The following DAB1 variants were observed in gnomAD, a reference collection of about 807,000 sequenced individuals.
DAB1 encodes disabled homolog 1.
In DAB1, 15 loss-of-function variants were observed where a neutral mutation model predicts 64.6. The observed-to-expected ratio is 0.23, with a 90% CI of 0.16 to 0.36. The LOEUF (loss-of-function observed/expected upper bound fraction) is 0.36, where lower values mean the gene tolerates loss of function less well. DAB1 is among the 10% of genes least tolerant of loss of function. The pLI, the probability that DAB1 is intolerant of heterozygous loss-of-function variation, is 1.00. For synonymous variants in DAB1, 235 were observed against 251.9 expected (o/e 0.93, Z 0.64); for missense variants, 596 against 706.7 (o/e 0.84, Z 1.78).
At chr1:58,051,695 C>T (rs1647682209) in intron 5 of DAB1, among the ~76,000 whole-genome samples, 1 of 152,146 alleles carries the variant, frequency 6.6e-6, no homozygotes, top group African/African-American at 2.4e-5. Flanking sequence ...TTCTCCACAA[C>T]CTCTCCAGCA....
At chr1:57,686,868 C>A (rs906348318) in intron 6 of DAB1, among the ~76,000 whole-genome samples, 3 of 152,108 alleles carry the variant, frequency 2.0e-5, no homozygotes, top group African/African-American at 4.8e-5. Flanking sequence ...TAAAAGCCTT[C>A]AACAGATGAG....
At chr1:57,886,561 T>G (rs1420267938), upstream of DAB1, among the ~76,000 whole-genome samples, 1 of 152,116 alleles carries the variant, frequency 6.6e-6, no homozygotes, top group Non-Finnish European at 1.5e-5. Flanking sequence ...TCATATCTCA[T>G]TTAACATTTC....
intron 6 of DAB1, among the ~76,000 whole-genome samples, chr1:57,735,609 G>GCTT (rs1647648357): frequency 1.1e-5 from 1 of 95,198 alleles, no homozygotes; most frequent in African/African-American, 4.2e-5. Flanking sequence ...CTGTTTGCTT[G>GCTT]TTTTTTTTTT....
chr1:57,032,272 A>G (rs1289443388), intron 9 of DAB1, among the ~76,000 whole-genome samples: 1 of 152,094 alleles, frequency 6.6e-6, no homozygotes, highest in East Asian at 1.9e-4. Flanking sequence ...GGGAGTTCCT[A>G]CCTTGCATCA....
intron 11 of DAB1, among the ~76,000 whole-genome samples, chr1:57,020,073 A>C (rs1202106784): frequency 6.6e-6 from 1 of 152,188 alleles, no homozygotes; most frequent in Admixed American, 6.5e-5. Flanking sequence ...TCACTGCTTT[A>C]GTGTGTGGAG....
intron 4 of DAB1, among the ~76,000 whole-genome samples, chr1:58,172,314 G>A (rs1656219082): frequency 6.6e-6 from 1 of 152,234 alleles, no homozygotes. Flanking sequence ...GGAAATTGAT[G>A]TAGTAGCAAA....
intron 7 of DAB1, among the ~76,000 whole-genome samples, chr1:57,589,493 A>G (rs1168207776): frequency 1.3e-5 from 2 of 152,206 alleles, no homozygotes; most frequent in East Asian, 3.8e-4. Flanking sequence ...ACAGTGGCTC[A>G]CCCCTGTAAT....
At chr1:58,333,006 T>C (rs913017371) in intron 4 of DAB1, among the ~76,000 whole-genome samples, 3 of 152,056 alleles carry the variant, frequency 2.0e-5, no homozygotes, top group African/African-American at 7.2e-5. Context: ...TGCTCCCGGG[T>C]TCAAGCGATT....
intron 7 of DAB1, among the ~76,000 whole-genome samples, chr1:57,593,355 A>G (rs1337486750): frequency 6.6e-6 from 1 of 152,204 alleles, no homozygotes; most frequent in Non-Finnish European, 1.5e-5. Context: ...TTCACAGCTG[A>G]ATAATATTCT....
At chr1:57,256,307 C>T (rs1464812346) in intron 2 of DAB1, among the ~76,000 whole-genome samples, 1 of 152,124 alleles carries the variant, frequency 6.6e-6, no homozygotes, top group Non-Finnish European at 1.5e-5. Context: ...AGAATAGAGA[C>T]AGGATCTGGA....
intron 5 of DAB1, among the ~76,000 whole-genome samples, chr1:58,013,661 C>T (rs1646700515): frequency 6.6e-6 from 1 of 152,158 alleles, no homozygotes; most frequent in Non-Finnish European, 1.5e-5. Context: ...CTGCTCCTAC[C>T]TTGGTCCCAT....
At chr1:58,065,831 T>C (rs988033408) in intron 5 of DAB1, among the ~76,000 whole-genome samples, 64 of 152,294 alleles carry the variant, frequency 4.2e-4, no homozygotes, top group African/African-American at 1.5e-3. Context: ...GTCCTGGAGC[T>C]TGAACAGTCA....
chr1:57,991,090 C>T (rs906202002), intron 5 of DAB1, among the ~76,000 whole-genome samples: 42 of 152,320 alleles, frequency 2.8e-4, no homozygotes, highest in African/African-American at 7.2e-4. Context: ...TTCTCTCTCA[C>T]GCTTTACCCT....
At chr1:57,547,374 T>A (rs1047891115) in intron 7 of DAB1, among the ~76,000 whole-genome samples, 1 of 152,224 alleles carries the variant, frequency 6.6e-6, no homozygotes, top group Non-Finnish European at 1.5e-5. Flanking sequence ...TTGAATCTCT[T>A]TAGAACTACT....
chr1:58,288,027 A>C (rs1661728877), intron 4 of DAB1, among the ~76,000 whole-genome samples: 1 of 136,372 alleles, frequency 7.3e-6, no homozygotes, highest in Admixed American at 7.5e-5. Flanking sequence ...CTCAAAAAAA[A>C]AAAAAAAAAA....
chr1:57,069,513 A>G, intron 7 of DAB1, 88 bp from the exon 8 acceptor site: 3 of 1,114,352 alleles, frequency 2.7e-6, no homozygotes, highest in Non-Finnish European at 4.1e-6. Flanking sequence ...TACAAATCAC[A>G]GCGAGCATTA....
intron 2 of DAB1, among the ~76,000 whole-genome samples, chr1:57,186,786 T>A (rs1399412789): frequency 6.6e-6 from 1 of 152,254 alleles, no homozygotes; most frequent in Non-Finnish European, 1.5e-5. Context: ...TTCCAAGTGA[T>A]GGCTTGTCTG....
chr1:58,409,135 C>T (rs1644643927), intron 3 of DAB1, among the ~76,000 whole-genome samples: 1 of 152,074 alleles, frequency 6.6e-6, no homozygotes. Flanking sequence ...GGAATATCCA[C>T]AAAAACTCTG....
Position 57,046,241 on chromosome 1 carries a change from C to G in DAB1, c.723+16643G>C, listed in dbSNP as rs578215518. Reference sequence around the variant, plus strand: ...GTTAAGCAATGAAGCCTTTGGATTCCCTGAAGTAGATACAGCTTGCCAAGC... The same window carrying G: ...GTTAAGCAATGAAGCCTTTGGATTCGCTGAAGTAGATACAGCTTGCCAAGC... On this transcript the variant is annotated intron_variant, in intron 9 of 14. Transcript: ENST00000371236. Among the ~76,000 whole-genome samples, 7 of 152,066 alleles carry G rather than the reference C, an allele frequency of 4.6e-5. No individual in the cohort carries two copies. The South Asian group carries it at 1.2e-3, about 27-fold the overall frequency.
Sources: allele counts gnomAD v4.1 joint callset (sites outside exome capture counted in the v4.1 genomes callset), GRCh38; gene constraint gnomAD v4.1.1; transcripts MANE v1.5; gene names NCBI Gene and HGNC (gene_info 2026-07-23, HGNC 2026-07-21).